The following NPAS2 variants were observed in gnomAD, a reference collection of about 807,000 sequenced individuals.
The protein encoded by NPAS2 is neuronal PAS domain protein 2.
A neutral mutation model predicts 107.5 loss-of-function variants in NPAS2; 23 were observed. The ratio of observed to expected loss-of-function variants is 0.21; its 90% CI spans 0.15 to 0.30. The LOEUF is 0.30. NPAS2 is among the 10% of genes least tolerant of loss of function. The pLI is 1.00. For missense variants in NPAS2, 756 were observed against 1,043.3 expected, an observed-to-expected ratio of 0.72 and a Z score of 3.79; for synonymous variants, 403 against 417.5, an observed-to-expected ratio of 0.97 and a Z score of 0.42.
intron 10 of NPAS2, among the ~76,000 whole-genome samples, chr2:100,966,738 C>T (rs1174828776): frequency 1.3e-5 from 2 of 152,034 alleles, no homozygotes; most frequent in Admixed American, 1.3e-4. Flanking sequence ...GGATTACAGG[C>T]GTGTGTGCCA....
At chr2:100,977,636 C>T (rs112298448) in intron 14 of NPAS2, 74 bp from the exon 15 acceptor site, 114 of 1,335,064 alleles carry the variant, frequency 8.5e-5, no homozygotes, top group African/African-American at 3.7e-4. Flanking sequence ...GAGAACCCAC[C>T]GGACCAAGAG....
chr2:100,876,284 G>A (rs956525361), intron 1 of NPAS2, among the ~76,000 whole-genome samples: 1 of 152,172 alleles, frequency 6.6e-6, no homozygotes, highest in Non-Finnish European at 1.5e-5. Context: ...GCGTGTGGCT[G>A]GTATCATTTT....
chr2:100,846,671 A>G (rs191460792), intron 1 of NPAS2, among the ~76,000 whole-genome samples: 183 of 152,348 alleles, frequency 1.2e-3, no homozygotes, highest in Middle Eastern at 3.4e-3. Flanking sequence ...TGCACACAAT[A>G]AAAATGTCAT....
chr2:100,972,806 A>G (rs1207534248), intron 12 of NPAS2: 1 of 152,256 alleles, frequency 6.6e-6, no homozygotes, highest in Admixed American at 6.5e-5. Context: ...TCGGAAATTT[A>G]TCATTGAGGT....
chr2:100,922,197 A>G (rs991664149), intron 2 of NPAS2, among the ~76,000 whole-genome samples: 9 of 152,170 alleles, frequency 5.9e-5, no homozygotes, highest in Non-Finnish European at 1.2e-4. Flanking sequence ...ACTGTTGTTT[A>G]TCTTGATTTT....
intron 1 of NPAS2, among the ~76,000 whole-genome samples, chr2:100,862,455 C>G (rs1008271448): frequency 6.6e-6 from 1 of 152,104 alleles, no homozygotes; most frequent in Non-Finnish European, 1.5e-5. Context: ...TTCATTGCCT[C>G]GTAGCTTAAT....
At chr2:100,906,861 A>C (rs1682181523) in intron 2 of NPAS2, among the ~76,000 whole-genome samples, 1 of 152,224 alleles carries the variant, frequency 6.6e-6, no homozygotes. Flanking sequence ...AGGTGAGAAG[A>C]CTAAAGTTCA....
At chr2:100,867,779 G>A (rs1679346809) in intron 1 of NPAS2, among the ~76,000 whole-genome samples, 2 of 152,136 alleles carry the variant, frequency 1.3e-5, no homozygotes, top group Non-Finnish European at 2.9e-5. Flanking sequence ...GGGCTCAAGT[G>A]ATCCTCCCTC....
intron 3 of NPAS2, among the ~76,000 whole-genome samples, chr2:100,929,356 C>T (rs1683795564): frequency 6.6e-6 from 1 of 152,194 alleles, no homozygotes; most frequent in Non-Finnish European, 1.5e-5. Flanking sequence ...AATGGCTGCT[C>T]CACAAGGGGT....
intron 5 of NPAS2, among the ~76,000 whole-genome samples, chr2:100,943,980 CAG>C (rs1161723124): frequency 6.6e-6 from 1 of 152,122 alleles, no homozygotes; most frequent in Non-Finnish European, 1.5e-5. Flanking sequence ...TTTTGATGAA[CAG>C]AGATTCTTTC....
intron 2 of NPAS2, among the ~76,000 whole-genome samples, chr2:100,923,825 G>A (rs767224560): frequency 2.0e-5 from 3 of 152,204 alleles, no homozygotes; most frequent in African/African-American, 4.8e-5. Context: ...GGCCTGTGGC[G>A]TGTCATTGAA....
At chr2:100,923,125 A>G (rs1356315586) in intron 2 of NPAS2, among the ~76,000 whole-genome samples, 1 of 152,178 alleles carries the variant, frequency 6.6e-6, no homozygotes, top group Non-Finnish European at 1.5e-5. Flanking sequence ...TGGACTAGCA[A>G]CAAGACTCCG....
chr2:100,854,158 C>CCAAAA (rs1678406735), intron 1 of NPAS2, among the ~76,000 whole-genome samples: 1 of 59,600 alleles, frequency 1.7e-5, no homozygotes, highest in Non-Finnish European at 3.0e-5. Context: ...CCTGCCTCAA[C>CCAAAA]AAAAAAAAAA....
At chr2:100,835,980 C>T (rs528392007) in intron 1 of NPAS2, among the ~76,000 whole-genome samples, 8 of 152,286 alleles carry the variant, frequency 5.3e-5, no homozygotes, top group South Asian at 4.2e-4. Flanking sequence ...CATTGTTCCT[C>T]GGTTTGACTC....
intron 1 of NPAS2, among the ~76,000 whole-genome samples, chr2:100,888,676 C>G (rs1334572126): frequency 6.6e-6 from 1 of 152,148 alleles, no homozygotes; most frequent in Admixed American, 6.6e-5. Context: ...ATTAAATAAG[C>G]TAATGTACAA....
chr2:100,894,503 T>TA (rs1487027923), intron 1 of NPAS2, among the ~76,000 whole-genome samples: 1 of 152,164 alleles, frequency 6.6e-6, no homozygotes, highest in African/African-American at 2.4e-5. Flanking sequence ...AACTTCCCCT[T>TA]ACTACTTCCC....
At chr2:100,879,061 G>A (rs917591774) in intron 1 of NPAS2, among the ~76,000 whole-genome samples, 4 of 151,630 alleles carry the variant, frequency 2.6e-5, no homozygotes, top group Non-Finnish European at 4.4e-5. Context: ...TGCAGTGAGC[G>A]GAGATCGCAC....
chr2:100,942,645 C>G (rs1674642928), intron 5 of NPAS2, among the ~76,000 whole-genome samples: 1 of 152,108 alleles, frequency 6.6e-6, no homozygotes, highest in Admixed American at 6.5e-5. Flanking sequence ...GCAAATAGAA[C>G]ATGGCTGGGA....
At chr2:100,978,812 G>A (rs914558545) in intron 15 of NPAS2, among the ~76,000 whole-genome samples, 1 of 152,216 alleles carries the variant, frequency 6.6e-6, no homozygotes, top group African/African-American at 2.4e-5. Context: ...AGGAGGTGAC[G>A]CTTGAGTTGG....
Sources: allele counts gnomAD v4.1 joint callset (sites outside exome capture counted in the v4.1 genomes callset), GRCh38; gene constraint gnomAD v4.1.1; transcripts MANE v1.5; gene names NCBI Gene and HGNC (gene_info 2026-07-23, HGNC 2026-07-21).